EBF1: variants seen among roughly 807,000 people sequenced by gnomAD.
The protein encoded by EBF1 is transcription factor COE1.
EBF1 carries 10 observed loss-of-function variants against 68.4 expected under a neutral mutation model. The ratio of observed to expected loss-of-function variants is 0.15; its 90% confidence interval spans 0.09 to 0.25. The LOEUF (loss-of-function observed/expected upper bound fraction) is 0.25. EBF1 is among the 10% of genes least tolerant of loss of function. The pLI, the probability that EBF1 is intolerant of heterozygous loss-of-function variation, is 1.00. For synonymous variants in EBF1, 298 were observed against 299.8 expected (o/e 0.99, Z 0.06); for missense variants, 509 against 794.4 (o/e 0.64, Z 4.32).
intron 6 of EBF1, among the ~76,000 whole-genome samples, chr5:158,979,098 C>T (rs1245976961): frequency 1.3e-5 from 2 of 152,070 alleles, no homozygotes; most frequent in African/African-American, 4.8e-5. Flanking sequence ...AAGAAATCCA[C>T]ACTCACACAA....
At chr5:159,048,296 C>A (rs1164026424) in intron 6 of EBF1, among the ~76,000 whole-genome samples, 1 of 152,210 alleles carries the variant, frequency 6.6e-6, no homozygotes, top group South Asian at 2.1e-4. Context: ...GAACTTTACA[C>A]TCAGCTTCTA....
chr5:159,010,815 C>A (rs72813918), intron 6 of EBF1, among the ~76,000 whole-genome samples: 1 of 152,106 alleles, frequency 6.6e-6, no homozygotes, highest in African/African-American at 2.4e-5. Flanking sequence ...AGATGATGTA[C>A]GCCACAGGGC....
chr5:158,712,288 G>A lies in EBF1; in HGVS notation c.1415C>T (p.Pro472Leu), dbSNP rs761796846. ...SSSVSPHGYVPSTTPQQTNYN... is the reference protein window; with the variant it reads ...SSSVSPHGYVLSTTPQQTNYN... ...GTTGGTCTGCTGGGGAGTGGTGCTC[G>A]GCACGTACCCGTGTGGTGATACGCT... The change falls in exon 14 of 16, where the codon CCG (proline) becomes CTG (leucine). Residue 472 changes from proline to leucine, a missense_variant. This residue lies in a region of EBF1 where 205 missense variants were observed against 247.4 expected (regional missense o/e 0.83). Coordinates refer to ENST00000313708, the MANE Select transcript of EBF1 (RefSeq NM_024007.5). 3 of 1,614,072 alleles carry A rather than the reference G, an allele frequency of 1.9e-6. No homozygotes were observed. Among genetic ancestry groups the A allele is most frequent in the Non-Finnish European group, 1.7e-6 (2 of 1,180,004 alleles).
intron 6 of EBF1, among the ~76,000 whole-genome samples, chr5:158,841,055 T>A (rs1380435278): frequency 6.6e-6 from 1 of 152,186 alleles, no homozygotes; most frequent in African/African-American, 2.4e-5. Flanking sequence ...CCACCTTGGT[T>A]TCTGAATTGG....
In EBF1 at chr5:158,775,171, A is replaced by G. The variant is rs138423237; in HGVS notation, c.1036+2242T>C. Among the ~76,000 whole-genome samples the G allele has an allele frequency of 3.4e-4, 51 of 152,016 alleles. No individual in the cohort carries two copies. In the East Asian group the frequency reaches 8.9e-3, roughly 27 times the overall value. ...ACTTTTTTCTTAATTCCAGTGTGAT[A>G]TAGATTTTCTAAGATGTGATTTCTT... is the stretch of plus-strand genomic sequence containing the variant. On this transcript the variant is annotated intron_variant, in intron 10 of 15. Transcript: ENST00000313708.
At chr5:159,074,501 C>T (rs941286253) in intron 5 of EBF1, among the ~76,000 whole-genome samples, 6 of 152,184 alleles carry the variant, frequency 3.9e-5, no homozygotes, top group African/African-American at 1.2e-4. Flanking sequence ...CACACGTGTA[C>T]ACAGAGAGAG....
chr5:159,043,860 G>T (rs955860317), intron 6 of EBF1, among the ~76,000 whole-genome samples: 4 of 152,110 alleles, frequency 2.6e-5, no homozygotes, highest in African/African-American at 9.7e-5. Flanking sequence ...AGAAAAAGGT[G>T]ATGTGATTTA....
intron 8 of EBF1, among the ~76,000 whole-genome samples, chr5:158,806,460 C>T (rs2127779067): frequency 6.6e-6 from 1 of 152,240 alleles, no homozygotes; most frequent in Non-Finnish European, 1.5e-5. Context: ...ATTCCACAGG[C>T]TTCCTTCTCA....
intron 6 of EBF1, among the ~76,000 whole-genome samples, chr5:159,062,503 G>A (rs1378432904): frequency 6.6e-6 from 1 of 152,172 alleles, no homozygotes; most frequent in Non-Finnish European, 1.5e-5. Context: ...GGGAGGGAAA[G>A]AGAATTCATT....
At chr5:159,045,556 G>C (rs1321369983) in intron 6 of EBF1, among the ~76,000 whole-genome samples, 1 of 152,080 alleles carries the variant, frequency 6.6e-6, no homozygotes, top group Non-Finnish European at 1.5e-5. Context: ...TAGGACCAGG[G>C]TGAGGGGTGC....
At chr5:158,929,483 A>G (rs549175906) in intron 6 of EBF1, among the ~76,000 whole-genome samples, 23 of 152,194 alleles carry the variant, frequency 1.5e-4, no homozygotes, top group Non-Finnish European at 3.1e-4. Flanking sequence ...TGAACAAACT[A>G]TATTTTTAAA....
chr5:158,713,275 T>C (rs1759862243), intron 12 of EBF1, 128 bp from the exon 13 acceptor site: 2 of 781,714 alleles, frequency 2.6e-6, no homozygotes, highest in Non-Finnish European at 3.6e-6. Flanking sequence ...GTGACCCTCA[T>C]GACAAACCTG....
chr5:158,749,693 C>G (rs543730228), intron 10 of EBF1, among the ~76,000 whole-genome samples: 2 of 151,970 alleles, frequency 1.3e-5, no homozygotes, highest in Non-Finnish European at 2.9e-5. Context: ...TTGTATTACA[C>G]GAGGGAGGTG....
chr5:158,886,868 G>A (rs536701886), intron 6 of EBF1, among the ~76,000 whole-genome samples: 10 of 152,220 alleles, frequency 6.6e-5, no homozygotes, highest in South Asian at 2.1e-4. Flanking sequence ...TGGGTGTGGC[G>A]GCGGGCACGT....
chr5:158,993,855 C>T (rs1760854620), intron 6 of EBF1, among the ~76,000 whole-genome samples: 1 of 152,186 alleles, frequency 6.6e-6, no homozygotes. Context: ...ATTAAACAGA[C>T]TGATGGAACA....
At chr5:158,933,178 G>A (rs1811259711) in intron 6 of EBF1, among the ~76,000 whole-genome samples, 1 of 151,894 alleles carries the variant, frequency 6.6e-6, no homozygotes, top group Admixed American at 6.6e-5. Context: ...AAGCAAACTG[G>A]GAGAAATATT....
intron 10 of EBF1, among the ~76,000 whole-genome samples, chr5:158,750,136 T>C (rs1259334603): frequency 6.6e-6 from 1 of 152,050 alleles, no homozygotes. Context: ...TACAAAAACA[T>C]TGAAAGAGAA....
intron 6 of EBF1, among the ~76,000 whole-genome samples, chr5:158,900,172 T>A (rs1802997947): frequency 6.6e-6 from 1 of 152,228 alleles, no homozygotes; most frequent in South Asian, 2.1e-4. Context: ...GGCACGTTCT[T>A]ATCTAAGAAG....
chr5:158,730,000 T>A (rs771425709), intron 11 of EBF1, among the ~76,000 whole-genome samples: 4 of 152,226 alleles, frequency 2.6e-5, no homozygotes, highest in South Asian at 4.1e-4. Flanking sequence ...GACGAACTGA[T>A]ACTCCAAGGA....
Sources: gnomAD v4.1 joint callset for allele counts (sites outside exome capture counted in the v4.1 genomes callset) on GRCh38, gnomAD v4.1.1 for gene constraint, gnomAD v4.1.1 regional missense constraint, MANE v1.5 for transcripts, NCBI Gene and HGNC (gene_info 2026-07-23, HGNC 2026-07-21) for gene names.